FMNL2: variants seen among roughly 807,000 people sequenced by gnomAD.
FMNL2 encodes formin-like protein 2.
FMNL2 carries 51 observed loss-of-function variants against 130.2 expected under a neutral mutation model. That is an observed-to-expected ratio of 0.39 (90% CI 0.31 to 0.49). The LOEUF is 0.49. FMNL2 is among the 20% of genes least tolerant of loss of function. The pLI is 0.85. For missense variants in FMNL2, 977 were observed against 1,316.2 expected (o/e 0.74, Z 3.99); for synonymous variants, 465 against 467.1 (o/e 1.00, Z 0.06).
At chr2:152,503,812 G>A (rs1269081622) in intron 1 of FMNL2, among the ~76,000 whole-genome samples, 4 of 152,184 alleles carry the variant, frequency 2.6e-5, no homozygotes, top group Non-Finnish European at 5.9e-5. Flanking sequence ...GAAAAAAATT[G>A]TTAGGACAAG....
intron 1 of FMNL2, among the ~76,000 whole-genome samples, chr2:152,480,633 TAAAAAA>T (rs58943356): frequency 2.4e-4 from 9 of 37,390 alleles, no homozygotes; most frequent in African/African-American, 3.8e-4. Flanking sequence ...AGACTCTGTC[TAAAAAA>T]AAAAAAAAAA....
At chr2:152,367,349 A>C (rs1454309585) in intron 1 of FMNL2, among the ~76,000 whole-genome samples, 1 of 152,066 alleles carries the variant, frequency 6.6e-6, no homozygotes, top group Non-Finnish European at 1.5e-5. Context: ...GTGCACATTT[A>C]GTAGGCATTG....
intron 1 of FMNL2, among the ~76,000 whole-genome samples, chr2:152,485,696 T>A (rs1265482596): frequency 6.6e-6 from 1 of 152,204 alleles, no homozygotes; most frequent in Non-Finnish European, 1.5e-5. Flanking sequence ...AACATAAATA[T>A]GGGAGGAGTA....
intron 9 of FMNL2, among the ~76,000 whole-genome samples, chr2:152,583,957 A>G (rs2105738635): frequency 6.6e-6 from 1 of 152,346 alleles, no homozygotes; most frequent in South Asian, 2.1e-4. Context: ...CATGCCCCCG[A>G]CAAACTTAGT....
intron 1 of FMNL2, among the ~76,000 whole-genome samples, chr2:152,397,463 G>T (rs745575853): frequency 6.6e-6 from 1 of 152,078 alleles, no homozygotes; most frequent in East Asian, 1.9e-4. Flanking sequence ...AATAAAAAAC[G>T]TCAAAAGAGA....
chr2:152,462,749 G>A (rs1193264841), intron 1 of FMNL2, among the ~76,000 whole-genome samples: 1 of 152,150 alleles, frequency 6.6e-6, no homozygotes, highest in Non-Finnish European at 1.5e-5. Flanking sequence ...AGATTCAAAG[G>A]TTAGTTGACT....
At chr2:152,646,733 G>T (rs1453006186) in intron 25 of FMNL2, among the ~76,000 whole-genome samples, 1 of 152,142 alleles carries the variant, frequency 6.6e-6, no homozygotes, top group African/African-American at 2.4e-5. Flanking sequence ...TCTAAAGATA[G>T]CATGTATTCT....
At chr2:152,636,319 C>A (rs1057018389) in intron 21 of FMNL2, 108 bp from the exon 22 acceptor site, 3 of 1,173,606 alleles carry the variant, frequency 2.6e-6, no homozygotes, top group Non-Finnish European at 3.6e-6. Flanking sequence ...AGGTTTAGGG[C>A]CCTTGAGTAA....
intron 1 of FMNL2, among the ~76,000 whole-genome samples, chr2:152,462,396 G>T (rs1302808590): frequency 6.7e-6 from 1 of 150,212 alleles, no homozygotes; most frequent in Non-Finnish European, 1.5e-5. Context: ...TGGAATTATA[G>T]GGGGATTTTT....
chr2:152,460,446 A>G (rs1192030030), intron 1 of FMNL2, among the ~76,000 whole-genome samples: 2 of 152,224 alleles, frequency 1.3e-5, no homozygotes, highest in East Asian at 1.9e-4. Flanking sequence ...AAAATTCACT[A>G]CAGTGTAATT....
At chr2:152,598,232 C>T (rs1176971464) in intron 9 of FMNL2, among the ~76,000 whole-genome samples, 1 of 152,202 alleles carries the variant, frequency 6.6e-6, no homozygotes, top group Non-Finnish European at 1.5e-5. Flanking sequence ...TTCCCTTGCT[C>T]AGCTTGACCT....
intron 1 of FMNL2, among the ~76,000 whole-genome samples, chr2:152,414,478 C>A (rs1348523169): frequency 6.6e-6 from 1 of 152,152 alleles, no homozygotes; most frequent in African/African-American, 2.4e-5. Context: ...GACATCCTCA[C>A]CGCTGAGCTG....
intron 1 of FMNL2, among the ~76,000 whole-genome samples, chr2:152,506,648 G>A (rs898417773): frequency 1.3e-5 from 2 of 152,154 alleles, no homozygotes; most frequent in Admixed American, 6.6e-5. Context: ...GGTGGAGGTA[G>A]ATAGTATCTA....
chr2:152,403,611 T>C (rs972159190), intron 1 of FMNL2, among the ~76,000 whole-genome samples: 5 of 152,246 alleles, frequency 3.3e-5, no homozygotes, highest in South Asian at 2.1e-4. Context: ...CTCTTTGACT[T>C]TTTGTGTGCC....
At chr2:152,643,748 T>C in intron 25 of FMNL2, 1 of 985,474 alleles carries the variant, frequency 1.0e-6, no homozygotes. Flanking sequence ...ACAGTCTGGG[T>C]GTGTTTGACA....
intron 6 of FMNL2, among the ~76,000 whole-genome samples, chr2:152,574,477 T>TTTGTCTAC (rs1173811911): frequency 1.0e-4 from 15 of 149,896 alleles, no homozygotes; most frequent in African/African-American, 3.4e-4. Flanking sequence ...ATGTGTAAGG[T>TTTGTCTAC]TTGTCTACTT....
At chr2:152,514,537 A>G (rs562353510) in intron 1 of FMNL2, among the ~76,000 whole-genome samples, 1 of 152,268 alleles carries the variant, frequency 6.6e-6, no homozygotes, top group African/African-American at 2.4e-5. Context: ...ATTTTATAGT[A>G]ATCCTCCCAT....
intron 1 of FMNL2, among the ~76,000 whole-genome samples, chr2:152,474,056 T>C (rs1690002150): frequency 6.6e-6 from 1 of 152,072 alleles, no homozygotes; most frequent in African/African-American, 2.4e-5. Context: ...TTTGTATTTT[T>C]AGTAGAGATA....
intron 21 of FMNL2, among the ~76,000 whole-genome samples, chr2:152,635,209 C>T (rs1301586430): frequency 6.6e-6 from 1 of 152,210 alleles, no homozygotes; most frequent in Non-Finnish European, 1.5e-5. Context: ...TTGAGTTCTT[C>T]AGCAGCTTCT....
Sources: allele counts gnomAD v4.1 joint callset (sites outside exome capture counted in the v4.1 genomes callset), GRCh38; gene constraint gnomAD v4.1.1; transcripts MANE v1.5; gene names NCBI Gene and HGNC (gene_info 2026-07-23, HGNC 2026-07-21).